Variants in HEATR5A observed in about 807,000 individuals in gnomAD.
HEATR5A encodes the protein HEAT repeat containing 5A, also known as HEAT repeat-containing protein 5A.
A neutral mutation model predicts 218.8 loss-of-function variants in HEATR5A; 178 were observed. The observed-to-expected ratio is 0.81, with a 90% confidence interval of 0.72 to 0.92. HEATR5A has a LOEUF of 0.92. HEATR5A is among the 40% of genes least tolerant of loss of function. The pLI is 0.00. For missense variants in HEATR5A, 2,420 were observed against 2,418.9 expected (o/e 1.00, Z -0.01); for synonymous variants, 864 against 871.6 (o/e 0.99, Z 0.15).
At chr14:31,326,705 C>T (rs1287829904) in intron 22 of HEATR5A, among the ~76,000 whole-genome samples, 11 of 152,002 alleles carry the variant, frequency 7.2e-5, no homozygotes, top group Admixed American at 5.2e-4. Context: ...TGCAATGGCA[C>T]GATCTTGGCT....
In HEATR5A at chr14:31,302,315, A is replaced by G; in HGVS notation, c.5444T>C (p.Ile1815Thr). ...ATTACCTGGATCCCAACAGTCAAGA[A>G]TTGTTGTTAAGGCACTTCGGAGAAG... ...TDLLRSALTT[I>T]LDCWDPVDET... The change falls in exon 33 of 36, where the codon ATT becomes ACT. Residue 1815 changes from isoleucine (I) to threonine (T), a missense_variant. Coordinates refer to ENST00000543095, the MANE Select transcript of HEATR5A (RefSeq NM_015473.4). 6.3e-7 allele frequency: 1 copy of G among 1,597,918 alleles called. No individual in the cohort carries two copies. The highest frequency in any genetic ancestry group is 8.5e-7 in the Non-Finnish European group (1 of 1,171,774).
chr14:31,345,119 G>A lies in HEATR5A; in HGVS notation c.3026C>T (p.Ala1009Val). The stretch of plus-strand genomic sequence containing the variant: ...CTCTGGACCTAACGTGGTAATAAGG[G>A]CATTCAAACAGCGACCAAGGCTTTG... ...VHQSLGRCLNALITTLGPELQ... is the reference protein window; with the variant it reads ...VHQSLGRCLNVLITTLGPELQ... Residue 1009 changes from alanine (A) to valine (V), a missense_variant, in exon 20 of 36, where the codon GCC becomes GTC. By Grantham distance (64) the Ala-to-Val change is moderately conservative. Coordinates refer to ENST00000543095, the MANE Select transcript of HEATR5A (RefSeq NM_015473.4). 6.2e-7 allele frequency: 1 copy of A among 1,613,820 alleles called. No homozygotes were observed.
chr14:31,345,002 G>A lies in HEATR5A; in HGVS notation c.3058+85C>T, dbSNP rs547096931. 60 of 1,109,504 alleles carry A rather than the reference G, an allele frequency of 5.4e-5. No homozygotes were observed. In the South Asian group the frequency reaches 5.7e-4, roughly 11 times the overall value. The allele number at this position is 1,109,504 out of a possible 1,614,324, so 68.7% of individuals were successfully genotyped here. ...TAACAAAACATACAGCACCTATCAC[G>A]TGCCAAGCATACAGACTAGGAACTG... On this transcript the variant is annotated intron_variant, in intron 20 of 35. Coordinates refer to ENST00000543095, the MANE Select transcript of HEATR5A (RefSeq NM_015473.4).
At chr14:31,340,599 T>C (rs1900809078) in intron 21 of HEATR5A, 4 of 499,680 alleles carry the variant, frequency 8.0e-6, no homozygotes, top group Non-Finnish European at 1.2e-5. Context: ...TAAATTGGCT[T>C]AGCTTCAGCT....
chr14:31,373,046 C>T (rs1411408381), intron 12 of HEATR5A, among the ~76,000 whole-genome samples: 2 of 151,828 alleles, frequency 1.3e-5, no homozygotes, highest in African/African-American at 4.8e-5. Flanking sequence ...TCAGGTAATC[C>T]TCCCACCCCA....
chr14:31,372,196 CAAAA>C (rs201678515), intron 12 of HEATR5A, among the ~76,000 whole-genome samples: 4 of 75,506 alleles, frequency 5.3e-5, no homozygotes, highest in Non-Finnish European at 6.1e-5. Flanking sequence ...AGCTTAGAAG[CAAAA>C]AAAAAAAAAA....
At chr14:31,364,325 T>C (rs1901728673) in intron 13 of HEATR5A, 27 bp from the exon 14 acceptor site, 1 of 1,145,780 alleles carries the variant, frequency 8.7e-7, no homozygotes. Context: ...AAGTGTATCT[T>C]AAGTGGTTAA....
intron 1 of HEATR5A, among the ~76,000 whole-genome samples, chr14:31,406,262 T>G (rs969984291): frequency 6.6e-6 from 1 of 152,220 alleles, no homozygotes; most frequent in Non-Finnish European, 1.5e-5. Flanking sequence ...TAAGGTGATT[T>G]CCTACAAGTA....
intron 5 of HEATR5A, among the ~76,000 whole-genome samples, chr14:31,394,862 GAA>G (rs1312099036): frequency 6.6e-6 from 1 of 152,044 alleles, no homozygotes; most frequent in African/African-American, 2.4e-5. Context: ...ACTATGTTAA[GAA>G]GCTATAAATT....
At chr14:31,376,854 G>C (rs1902246244) in intron 11 of HEATR5A, among the ~76,000 whole-genome samples, 1 of 152,174 alleles carries the variant, frequency 6.6e-6, no homozygotes, top group South Asian at 2.1e-4. Context: ...GCTGGGCACT[G>C]TGGCCCATGC....
chr14:31,301,579 T>C (rs1899376039), intron 33 of HEATR5A, among the ~76,000 whole-genome samples: 1 of 152,148 alleles, frequency 6.6e-6, no homozygotes, highest in Admixed American at 6.5e-5. Context: ...CTCTGCCTCC[T>C]GGGTTTAAGC....
At chr14:31,395,812 G>A (rs985517656) in intron 4 of HEATR5A, among the ~76,000 whole-genome samples, 14 of 152,282 alleles carry the variant, frequency 9.2e-5, no homozygotes, top group African/African-American at 3.4e-4. Flanking sequence ...AACAAGCCCA[G>A]ACATACAACA....
chr14:31,394,771 T>C (rs1342429622), intron 5 of HEATR5A, among the ~76,000 whole-genome samples: 12 of 151,990 alleles, frequency 7.9e-5, no homozygotes, highest in Admixed American at 7.9e-4. Flanking sequence ...TGAGCCGAGA[T>C]CGCGCCTCTA....
intron 33 of HEATR5A, 29 bp downstream of exon 33, chr14:31,302,265 AC>A: frequency 6.1e-6 from 9 of 1,485,272 alleles, no homozygotes; most frequent in Non-Finnish European, 8.3e-6. Context: ...TTTAAGACAA[AC>A]TGAACTGCTT....
intron 3 of HEATR5A, among the ~76,000 whole-genome samples, chr14:31,399,599 G>A (rs574768119): frequency 1.3e-5 from 2 of 152,314 alleles, no homozygotes; most frequent in South Asian, 4.1e-4. Flanking sequence ...GGAGGCCAAG[G>A]TGGGTGGATC....
intron 22 of HEATR5A, among the ~76,000 whole-genome samples, chr14:31,332,097 G>A (rs1029923567): frequency 1.3e-5 from 2 of 152,144 alleles, no homozygotes; most frequent in Non-Finnish European, 1.5e-5. Context: ...GGGAGATGTC[G>A]ATAAAATAAG....
intron 26 of HEATR5A, among the ~76,000 whole-genome samples, chr14:31,317,992 C>T (rs937304635): frequency 6.6e-6 from 1 of 151,580 alleles, no homozygotes; most frequent in Non-Finnish European, 1.5e-5. Context: ...ATTCTAATAG[C>T]AAAAGAAAAA....
At chr14:31,322,587 G>A (rs1047732189) in intron 24 of HEATR5A, among the ~76,000 whole-genome samples, 1 of 152,130 alleles carries the variant, frequency 6.6e-6, no homozygotes, top group Non-Finnish European at 1.5e-5. Flanking sequence ...GGGAGGCTGA[G>A]GTGGGAGAGT....
chr14:31,402,927 G>T lies in HEATR5A; in HGVS notation c.49C>A (p.Leu17Ile). Residue 17 changes from leucine to isoleucine, a missense_variant, in exon 2 of 36, where the codon CTA (leucine) becomes ATA (isoleucine). Physicochemically the swap from Leu to Ile is conservative, Grantham distance 5 (BLOSUM62 2). Transcript: ENST00000543095. ...LLLNEEAYNQ[L>I]GEVQKAEFIF... ...AACTCTGCCTTCTGAACTTCACCTA[G>T]TTGATTGTATGCTTCTTCATTCAGC... 6.5e-7 allele frequency: 1 copy of T among 1,536,154 alleles called. No homozygotes were observed. Among genetic ancestry groups the T allele is most frequent in the Non-Finnish European group, 8.7e-7 (1 of 1,146,782 alleles).
Sources: allele counts gnomAD v4.1 joint callset (sites outside exome capture counted in the v4.1 genomes callset), GRCh38; gene constraint gnomAD v4.1.1; transcripts MANE v1.5; gene names NCBI Gene and HGNC (gene_info 2026-07-23, HGNC 2026-07-21).